The following NLGN1 variants were observed in gnomAD, a reference collection of about 807,000 sequenced individuals.
NLGN1 encodes the protein neuroligin 1, also known as neuroligin-1.
Under a neutral mutation model 65.5 loss-of-function variants are expected in NLGN1, and 12 were observed. That is an observed-to-expected ratio of 0.18 (90% CI 0.12 to 0.30). The LOEUF (loss-of-function observed/expected upper bound fraction) is 0.30, where lower values mean the gene tolerates loss of function less well. Ranked by LOEUF, NLGN1 falls within the 10% of genes least tolerant of loss-of-function variation. NLGN1 has a pLI of 1.00. For synonymous variants in NLGN1, 350 were observed against 359.5 expected (o/e 0.97, Z 0.30); for missense variants, 750 against 1,007.1 (o/e 0.74, Z 3.46).
intron 3 of NLGN1, among the ~76,000 whole-genome samples, chr3:173,742,173 A>C (rs188625888): frequency 1.3e-5 from 2 of 152,232 alleles, no homozygotes. Context: ...AATGTATAGT[A>C]TATCTATTTT....
intron 3 of NLGN1, among the ~76,000 whole-genome samples, chr3:173,644,053 C>A (rs1757835272): frequency 6.6e-6 from 1 of 152,206 alleles, no homozygotes; most frequent in Non-Finnish European, 1.5e-5. Context: ...GACCAGCCAA[C>A]AAAGGTTAAC....
At chr3:173,433,318 C>T (rs1339021623) in intron 1 of NLGN1, among the ~76,000 whole-genome samples, 2 of 152,106 alleles carry the variant, frequency 1.3e-5, no homozygotes, top group African/African-American at 2.4e-5. Flanking sequence ...CTTTGGATGC[C>T]TCCTCATTCT....
chr3:173,766,548 G>A (rs1778817046), intron 3 of NLGN1, among the ~76,000 whole-genome samples: 1 of 152,082 alleles, frequency 6.6e-6, no homozygotes, highest in South Asian at 2.1e-4. Context: ...TTAGGTATGT[G>A]CTTGTCATCT....
chr3:173,945,154 T>A (rs1366318640), intron 4 of NLGN1, among the ~76,000 whole-genome samples: 1 of 151,802 alleles, frequency 6.6e-6, no homozygotes, highest in Non-Finnish European at 1.5e-5. Flanking sequence ...ATCTGCTTGA[T>A]TTCAGAAGTC....
At chr3:173,562,467 T>G (rs765514495) in intron 2 of NLGN1, among the ~76,000 whole-genome samples, 5 of 151,698 alleles carry the variant, frequency 3.3e-5, no homozygotes, top group Non-Finnish European at 4.4e-5. Context: ...CTTGGGAGGC[T>G]GAGGCAGGGG....
intron 4 of NLGN1, among the ~76,000 whole-genome samples, chr3:174,105,693 A>G (rs1713580382): frequency 1.3e-5 from 2 of 152,042 alleles, no homozygotes; most frequent in African/African-American, 4.8e-5. Flanking sequence ...ATATGTAGAT[A>G]TAGATATCTA....
At chr3:173,961,404 A>G (rs981928345) in intron 4 of NLGN1, among the ~76,000 whole-genome samples, 12 of 152,250 alleles carry the variant, frequency 7.9e-5, no homozygotes, top group South Asian at 4.1e-4. Flanking sequence ...ACTAATTACA[A>G]TGTATTATAA....
chr3:173,640,977 T>C (rs1333314882), intron 3 of NLGN1, among the ~76,000 whole-genome samples: 2 of 152,172 alleles, frequency 1.3e-5, no homozygotes, highest in Non-Finnish European at 2.9e-5. Flanking sequence ...CATCATATTT[T>C]ACCATTTAAA....
At chr3:173,829,939 GC>G (rs1260565780) in intron 4 of NLGN1, among the ~76,000 whole-genome samples, 15 of 149,780 alleles carry the variant, frequency 1.0e-4, no homozygotes, top group African/African-American at 3.7e-4. Context: ...ATCCAAACGT[GC>G]CCTGTTGAGT....
chr3:173,698,724 T>C (rs139870340), intron 3 of NLGN1, among the ~76,000 whole-genome samples: 10 of 152,344 alleles, frequency 6.6e-5, no homozygotes, highest in Non-Finnish European at 1.3e-4. Context: ...AATGAATAAA[T>C]GATTAATTTC....
chr3:173,670,294 C>T (rs1331760899), intron 3 of NLGN1, among the ~76,000 whole-genome samples: 1 of 152,120 alleles, frequency 6.6e-6, no homozygotes, highest in Non-Finnish European at 1.5e-5. Flanking sequence ...ACTATTGGCC[C>T]ATTGCTTGAT....
chr3:173,724,253 A>G (rs777971795), intron 3 of NLGN1, among the ~76,000 whole-genome samples: 6 of 152,158 alleles, frequency 3.9e-5, no homozygotes, highest in Non-Finnish European at 5.9e-5. Flanking sequence ...ATCACCTACA[A>G]TTGTGTTTCT....
At chr3:173,509,137 T>C (rs1297996543) in intron 2 of NLGN1, among the ~76,000 whole-genome samples, 2 of 152,162 alleles carry the variant, frequency 1.3e-5, no homozygotes, top group Non-Finnish European at 2.9e-5. Context: ...TATCTTATTG[T>C]TATAAAGTCT....
intron 4 of NLGN1, among the ~76,000 whole-genome samples, chr3:173,857,501 TCC>T (rs930738419): frequency 2.4e-4 from 36 of 152,114 alleles, no homozygotes; most frequent in Admixed American, 1.4e-3. Context: ...TTTCTGCTTC[TCC>T]CACCTCTGTA....
intron 4 of NLGN1, among the ~76,000 whole-genome samples, chr3:174,225,314 T>G (rs1739420702): frequency 6.6e-6 from 1 of 152,204 alleles, no homozygotes. Flanking sequence ...AAGGGCTTAA[T>G]GGGCATTTAC....
chr3:174,053,206 C>T (rs1393340996), intron 4 of NLGN1, among the ~76,000 whole-genome samples: 1 of 151,878 alleles, frequency 6.6e-6, no homozygotes, highest in Non-Finnish European at 1.5e-5. Flanking sequence ...CGGGGCCAAT[C>T]TCTAAATATC....
chr3:173,683,710 G>A (rs1764288082), intron 3 of NLGN1, among the ~76,000 whole-genome samples: 1 of 152,142 alleles, frequency 6.6e-6, no homozygotes, highest in Non-Finnish European at 1.5e-5. Context: ...CTTTCACTTA[G>A]TTGATACGAT....
chr3:173,754,046 T>TGTTG (rs1472602993), intron 3 of NLGN1, among the ~76,000 whole-genome samples: 1 of 147,384 alleles, frequency 6.8e-6, no homozygotes, highest in African/African-American at 2.5e-5. Context: ...TTGTTTTTTT[T>TGTTG]TTTGTTGTTG....
intron 4 of NLGN1, among the ~76,000 whole-genome samples, chr3:174,050,640 A>G (rs1734625273): frequency 2.6e-5 from 4 of 152,044 alleles, no homozygotes; most frequent in African/African-American, 9.7e-5. Flanking sequence ...TTGGATTAAG[A>G]TAAGAAATGA....
Sources: allele counts gnomAD v4.1 joint callset (sites outside exome capture counted in the v4.1 genomes callset), GRCh38; gene constraint gnomAD v4.1.1; transcripts MANE v1.5; gene names NCBI Gene and HGNC (gene_info 2026-07-23, HGNC 2026-07-21).